Variants in THRB observed in about 807,000 individuals in gnomAD.
The protein encoded by THRB is thyroid hormone receptor beta, also known as nuclear receptor subfamily 1 group A member 2.
THRB carries 12 observed loss-of-function variants against 47.8 expected under a neutral mutation model. That is an observed-to-expected ratio of 0.25 (90% confidence interval 0.16 to 0.41). The LOEUF is 0.41. THRB is among the 10% of genes least tolerant of loss of function. The pLI is 1.00. For missense variants in THRB, 348 were observed against 589.2 expected (o/e 0.59, Z 4.24); for synonymous variants, 218 against 212.2 (o/e 1.03, Z -0.24).
intron 2 of THRB, among the ~76,000 whole-genome samples, chr3:24,325,520 C>T (rs983606039): frequency 9.2e-5 from 14 of 152,186 alleles, no homozygotes; most frequent in African/African-American, 3.4e-4. Flanking sequence ...AACCCCATCC[C>T]TATTAAAAAT....
intron 4 of THRB, among the ~76,000 whole-genome samples, chr3:24,218,171 G>A (rs1179493864): frequency 6.6e-6 from 1 of 151,998 alleles, no homozygotes; most frequent in Non-Finnish European, 1.5e-5. Flanking sequence ...GGGAGGTTGA[G>A]GCAGGAGAAT....
At chr3:24,479,804 C>T (rs1696096370) in intron 1 of THRB, among the ~76,000 whole-genome samples, 2 of 152,114 alleles carry the variant, frequency 1.3e-5, no homozygotes, top group Non-Finnish European at 2.9e-5. Context: ...TCCCATGGCA[C>T]CACTTCAGCG....
chr3:24,426,776 A>T (rs543412843), intron 1 of THRB, among the ~76,000 whole-genome samples: 11 of 151,992 alleles, frequency 7.2e-5, no homozygotes, highest in Non-Finnish European at 1.3e-4. Flanking sequence ...AATTAAAAGA[A>T]TCTCTCAGCA....
chr3:24,220,323 T>A (rs933315021), intron 4 of THRB, among the ~76,000 whole-genome samples: 1 of 152,092 alleles, frequency 6.6e-6, no homozygotes, highest in East Asian at 1.9e-4. Context: ...AGACCCCATC[T>A]CTACAAAAAA....
chr3:24,182,969 T>G (rs2042097046), intron 5 of THRB, among the ~76,000 whole-genome samples: 2 of 152,238 alleles, frequency 1.3e-5, no homozygotes, highest in African/African-American at 4.8e-5. Context: ...TAGAGAGCTC[T>G]GACCCTGGGG....
intron 2 of THRB, among the ~76,000 whole-genome samples, chr3:24,316,649 A>G (rs2058133048): frequency 6.6e-6 from 1 of 152,118 alleles, no homozygotes; most frequent in African/African-American, 2.4e-5. Context: ...AGGGTGGTTT[A>G]TCAAGTCTCT....
At position 24,277,785 on chromosome 3, in the gene THRB, C is replaced by G. The variant is rs574530644; in HGVS notation, c.-43+19441G>C. On this transcript the variant is annotated intron_variant, in intron 3 of 10. Transcript: ENST00000646209. ...TGGATGCCTTCCCTCAAGAGCTTTC[C>G]TGGCCAAAACTAATGTTACATATAA... Among the ~76,000 whole-genome samples, 12 of 152,262 alleles carry G rather than the reference C, an allele frequency of 7.9e-5. No individual in the cohort carries two copies. The South Asian group carries it at 2.5e-3, about 32-fold the overall frequency.
At chr3:24,292,559 C>G (rs970018624) in intron 3 of THRB, among the ~76,000 whole-genome samples, 2 of 152,118 alleles carry the variant, frequency 1.3e-5, no homozygotes, top group East Asian at 1.9e-4. Flanking sequence ...TTGTTTCAAG[C>G]CCTTCTCCCT....
At chr3:24,348,120 TA>T (rs2063137835) in intron 1 of THRB, among the ~76,000 whole-genome samples, 1 of 152,162 alleles carries the variant, frequency 6.6e-6, no homozygotes. Context: ...GAGATAATTT[TA>T]AAAGGATAAC....
intron 4 of THRB, among the ~76,000 whole-genome samples, chr3:24,207,526 G>A (rs1361315074): frequency 1.3e-5 from 2 of 152,066 alleles, no homozygotes; most frequent in Non-Finnish European, 2.9e-5. Context: ...CATCCAGGTG[G>A]GGGCGAGAGA....
chr3:24,246,789 A>G (rs1044389150), intron 3 of THRB, among the ~76,000 whole-genome samples: 1 of 152,186 alleles, frequency 6.6e-6, no homozygotes, highest in Non-Finnish European at 1.5e-5. Context: ...TACCATCTCT[A>G]GAGTCAAGAA....
At chr3:24,485,890 G>C (rs982733115) in intron 1 of THRB, among the ~76,000 whole-genome samples, 6 of 152,100 alleles carry the variant, frequency 3.9e-5, no homozygotes, top group African/African-American at 4.8e-5. Flanking sequence ...CTAATATTTA[G>C]AAATACTTGA....
chr3:24,188,346 C>A (rs946462104), intron 5 of THRB, among the ~76,000 whole-genome samples: 1 of 152,170 alleles, frequency 6.6e-6, no homozygotes. Context: ...TATTAACAAT[C>A]TTATAAGTTT....
chr3:24,396,267 T>A (rs2066955307), intron 1 of THRB, among the ~76,000 whole-genome samples: 1 of 152,098 alleles, frequency 6.6e-6, no homozygotes. Flanking sequence ...CTGGGGCATT[T>A]CTCAAATCCC....
At chr3:24,316,988 A>T (rs890360437) in intron 2 of THRB, among the ~76,000 whole-genome samples, 1 of 152,192 alleles carries the variant, frequency 6.6e-6, no homozygotes, top group African/African-American at 2.4e-5. Context: ...TTAACATTGC[A>T]TTACAAACAT....
rs146043050 is a variant in THRB, at chr3:24,377,462, G to A, written c.-260-40091C>T. Among the ~76,000 whole-genome samples the A allele has an allele frequency of 1.8e-3, 267 of 152,218 alleles. 1 individual carries two copies. The highest frequency in any genetic ancestry group is 6.1e-3 in the African/African-American group (254 of 41,544). ...AAGGGTGAGGGGCTGATGGCATTAT[G>A]TGTGCTACAGGAAGTGAGTCTGTTC... On this transcript the variant is annotated intron_variant, in intron 1 of 10. Transcript: ENST00000646209.
At chr3:24,385,406 CACACAT>C (rs2066019179) in intron 1 of THRB, among the ~76,000 whole-genome samples, 1 of 150,340 alleles carries the variant, frequency 6.7e-6, no homozygotes, top group African/African-American at 2.5e-5. Context: ...GCAATTCACA[CACACAT>C]ACACACACAC....
chr3:24,455,803 A>G (rs1386403257), intron 1 of THRB, among the ~76,000 whole-genome samples: 2 of 152,108 alleles, frequency 1.3e-5, no homozygotes, highest in Non-Finnish European at 2.9e-5. Context: ...TTGCTACTCC[A>G]TTTCGTCTGG....
At chr3:24,448,226 G>A (rs530473996) in intron 1 of THRB, among the ~76,000 whole-genome samples, 78 of 152,154 alleles carry the variant, frequency 5.1e-4, no homozygotes, top group Non-Finnish European at 8.7e-4. Flanking sequence ...CATTAAGGAT[G>A]TAAGTATAAC....
Sources: gnomAD v4.1 joint callset for allele counts (sites outside exome capture counted in the v4.1 genomes callset) on GRCh38, gnomAD v4.1.1 for gene constraint, MANE v1.5 for transcripts, NCBI Gene and HGNC (gene_info 2026-07-23, HGNC 2026-07-21) for gene names.